ZNF577: variants seen among roughly 807,000 people sequenced by gnomAD.
The protein encoded by ZNF577 is zinc finger protein 577.
ZNF577 carries 14 observed loss-of-function variants against 13.9 expected under a neutral mutation model. The observed-to-expected ratio is 1.00, with a 90% CI of 0.66 to 1.57. The LOEUF is 1.57. Ranked by LOEUF, ZNF577 falls within the 40% of genes most tolerant of loss-of-function variation. The pLI is 0.00. For missense variants in ZNF577, 555 were observed against 579.2 expected, an observed-to-expected ratio of 0.96 and a Z score of 0.43; for synonymous variants, 203 against 202.9, an observed-to-expected ratio of 1.00 and a Z score of 0.00.
At chr19:51,827,056 G>A (rs4802875) in intron 9 of ZNF577, among the ~76,000 whole-genome samples, 63,830 of 151,938 alleles carry the variant, frequency 0.42, 13,513 homozygotes, top group South Asian at 0.53. Context: ...CATGACGTCT[G>A]GCAATAAAGG....
chr19:51,873,297 GACCA>G lies in ZNF577; in HGVS notation c.689_692del (p.Met230ThrfsTer83). Reference sequence around the variant, plus strand: ...TCTCTCCTGTATGGGTTCTCTGATGGACCATGAGCTGTGACTTTCTGGAGAAGGC... The same window carrying G: ...TCTCTCCTGTATGGGTTCTCTGATGGTGAGCTGTGACTTTCTGGAGAAGGC... On this transcript the variant is annotated frameshift_variant, in exon 6 of 6. Coordinates refer to ENST00000638348, the MANE Select transcript of ZNF577 (RefSeq NM_001370449.1). LOFTEE classifies it low-confidence loss of function (END_TRUNC). 1 of 1,614,036 alleles carries G rather than the reference GACCA, an allele frequency of 6.2e-7. No individual in the cohort carries two copies. The highest frequency in any genetic ancestry group is 8.5e-7 in the Non-Finnish European group (1 of 1,179,996).
At chr19:51,859,117 TTCAC>T (rs754911915) in intron 5 of ZNF577, among the ~76,000 whole-genome samples, 22 of 152,212 alleles carry the variant, frequency 1.4e-4, no homozygotes, top group Non-Finnish European at 3.2e-4. Flanking sequence ...TTTGGCTTCT[TTCAC>T]TCAGTATGTT....
rs1020176234 is a variant in ZNF577, at chr19:51,870,476, C to T, written c.*2056G>A. ...AGCAAATCTGAGCCACCCACAGAGG[C>T]AATACTCCTTACTTAAGGTCCACTG... On this transcript the variant is annotated 3_prime_UTR_variant, in exon 6 of 6. Transcript: ENST00000638348. Among the ~76,000 whole-genome samples the T allele has an allele frequency of 6.6e-6, 1 of 152,154 alleles. No homozygotes were observed. The highest frequency in any genetic ancestry group is 1.9e-4 in the East Asian group (1 of 5,190).
intron 9 of ZNF577, among the ~76,000 whole-genome samples, chr19:51,832,676 A>G (rs1434354550): frequency 6.6e-6 from 1 of 152,212 alleles, no homozygotes; most frequent in African/African-American, 2.4e-5. Context: ...TCTACATTTA[A>G]TATTTAAATC....
chr19:51,847,037 T>G (rs1194944975), intron 5 of ZNF577, among the ~76,000 whole-genome samples: 5 of 152,158 alleles, frequency 3.3e-5, no homozygotes, highest in Non-Finnish European at 7.3e-5. Context: ...AACTGAGACT[T>G]ACAGAAGTTG....
At chr19:51,858,133 A>G (rs2084457805) in intron 5 of ZNF577, among the ~76,000 whole-genome samples, 1 of 152,212 alleles carries the variant, frequency 6.6e-6, no homozygotes, top group African/African-American at 2.4e-5. Flanking sequence ...TCCTCAATCT[A>G]TATTCAGCCC....
intron 9 of ZNF577, among the ~76,000 whole-genome samples, chr19:51,826,458 G>T (rs1001427452): frequency 6.6e-6 from 1 of 152,134 alleles, no homozygotes; most frequent in African/African-American, 2.4e-5. Flanking sequence ...ATATAGGTTC[G>T]ATTTCTTTAA....
At chr19:51,864,974 A>T (rs1250826401), downstream of ZNF577, among the ~76,000 whole-genome samples, 1 of 152,214 alleles carries the variant, frequency 6.6e-6, no homozygotes, top group Non-Finnish European at 1.5e-5. Context: ...TTAGGAACCA[A>T]CATCTGTGGG....
chr19:51,823,691 G>A, intron 9 of ZNF577: 2 of 1,390,034 alleles, frequency 1.4e-6, no homozygotes, highest in African/African-American at 1.4e-5. Flanking sequence ...TAGTTGTATT[G>A]TAAGATGGTG....
chr19:51,833,443 T>C (rs1309315236), intron 9 of ZNF577, among the ~76,000 whole-genome samples: 2 of 51,102 alleles, frequency 3.9e-5, no homozygotes, highest in African/African-American at 1.5e-4. Context: ...GTTATGTTGA[T>C]TGTGTTTTAA....
chr19:51,854,286 A>G lies in ZNF577; in HGVS notation c.284-9355T>C, dbSNP rs370853840. Among the ~76,000 whole-genome samples, 19 of 152,100 alleles carry G rather than the reference A, an allele frequency of 1.2e-4. No individual in the cohort carries two copies. The South Asian group carries it at 3.7e-3, about 30-fold the overall frequency. On this transcript the variant is annotated intron_variant and NMD_transcript_variant, in intron 5 of 10. Coordinates refer to the ZNF577 transcript ENST00000638827. ...GAAGGACCAGGTTTCTGTTTAGTTT[A>G]CCAGGATGAAAGCCTGTGGAGAAGG...
chr19:51,856,874 G>A (rs1035470977), intron 5 of ZNF577, among the ~76,000 whole-genome samples: 1 of 152,158 alleles, frequency 6.6e-6, no homozygotes, highest in Non-Finnish European at 1.5e-5. Context: ...AAAACGAAAT[G>A]AAAGTACTTC....
At chr19:51,883,967 G>A (rs1021200685) in intron 1 of ZNF577, among the ~76,000 whole-genome samples, 6 of 152,148 alleles carry the variant, frequency 3.9e-5, no homozygotes, top group African/African-American at 1.4e-4. Flanking sequence ...CCAGCTACTC[G>A]GGAGGCTGAG....
intron 8 of ZNF577, chr19:51,840,752 G>T (rs1025744364): frequency 7.9e-5 from 12 of 152,114 alleles, no homozygotes; most frequent in African/African-American, 2.7e-4. Flanking sequence ...AGGAATACAA[G>T]GATGTTTTAT....
In ZNF577 at chr19:51,824,482, C is replaced by A; in HGVS notation, c.*600-12808G>T. On this transcript the variant is annotated intron_variant and NMD_transcript_variant, in intron 9 of 10. Coordinates refer to the ZNF577 transcript ENST00000638827. The surrounding 1 kb of genome is among the most constrained non-coding windows in gnomAD (Gnocchi z 4.7). ...AGCCGTCCCTTACGTGTCTTCGCTG[C>A]TGTGGTGGCTTCTTTCTTCATCTGT... 6.2e-7 allele frequency: 1 copy of A among 1,614,064 alleles called. No homozygotes were observed. Among genetic ancestry groups the A allele is most frequent in the Non-Finnish European group, 8.5e-7 (1 of 1,180,004 alleles).
At chr19:51,805,625 G>C (rs1421866585) in intron 10 of ZNF577, among the ~76,000 whole-genome samples, 3 of 152,188 alleles carry the variant, frequency 2.0e-5, no homozygotes, top group Non-Finnish European at 4.4e-5. Flanking sequence ...ACAGAACCAT[G>C]GATTTCAACA....
intron 10 of ZNF577, among the ~76,000 whole-genome samples, chr19:51,810,181 A>G (rs776173471): frequency 2.0e-5 from 3 of 152,234 alleles, no homozygotes; most frequent in Admixed American, 6.5e-5. Context: ...CTGCTAAATT[A>G]GCCACTGCTT....
intron 9 of ZNF577, among the ~76,000 whole-genome samples, chr19:51,837,000 C>T (rs2084290802): frequency 6.8e-6 from 1 of 146,226 alleles, no homozygotes; most frequent in South Asian, 2.2e-4. Flanking sequence ...GCCCAGAGGG[C>T]GCCACTGCAC....
chr19:51,885,569 T>C (rs2084932186), intron 1 of ZNF577, among the ~76,000 whole-genome samples: 4 of 152,186 alleles, frequency 2.6e-5, no homozygotes, highest in African/African-American at 9.7e-5. Flanking sequence ...TGGAGTGCAA[T>C]GGCATGATCC....
Sources: allele counts gnomAD v4.1 joint callset (sites outside exome capture counted in the v4.1 genomes callset), GRCh38; gene constraint gnomAD v4.1.1; non-coding constraint Gnocchi (gnomAD v3.1); transcripts MANE v1.5; gene names NCBI Gene and HGNC (gene_info 2026-07-23, HGNC 2026-07-21).